PCDHGA3: variants seen among roughly 807,000 people sequenced by gnomAD.
The protein encoded by PCDHGA3 is protocadherin gamma-A3.
PCDHGA3 carries 40 observed loss-of-function variants against 58.5 expected under a neutral mutation model. The observed-to-expected ratio is 0.68, with a 90% CI of 0.53 to 0.89. The LOEUF is 0.89. PCDHGA3 is among the 40% of genes least tolerant of loss of function. The pLI, the probability that PCDHGA3 is intolerant of heterozygous loss-of-function variation, is 0.00. For synonymous variants in PCDHGA3, 530 were observed against 525.7 expected (o/e 1.01, Z -0.11); for missense variants, 1,223 against 1,195.9 (o/e 1.02, Z -0.33).
chr5:141,370,999 G>T, intron 1 of PCDHGA3: 3 of 1,614,020 alleles, frequency 1.9e-6, no homozygotes, highest in Non-Finnish European at 2.5e-6. Flanking sequence ...CCCCTGGACA[G>T]GGAAGAGCAG....
chr5:141,492,948 CA>C (rs2099745260), intron 1 of PCDHGA3, among the ~76,000 whole-genome samples: 1 of 152,188 alleles, frequency 6.6e-6, no homozygotes, highest in Non-Finnish European at 1.5e-5. Flanking sequence ...TGGAGGTGAC[CA>C]AACTATCTGA....
At chr5:141,394,861 A>G in intron 1 of PCDHGA3, 1 of 1,613,390 alleles carries the variant, frequency 6.2e-7, no homozygotes. Flanking sequence ...CCTTCGGTCG[A>G]CCCGAACGAT....
In PCDHGA3 at chr5:141,375,718, C is replaced by A. The variant is rs888006407; in HGVS notation, c.2424+29261C>A. 9 of 1,614,152 alleles carry A rather than the reference C, an allele frequency of 5.6e-6. No homozygotes were observed. Among genetic ancestry groups the A allele is most frequent in the African/African-American group, 1.3e-5 (1 of 74,952 alleles). ...GCGGGGACCCGCCTCTTAGCAGCAA[C>A]GTGTCACTGAGCCTGTTTGTGCTGG... On this transcript the variant is annotated intron_variant, in intron 1 of 3. Transcript: ENST00000253812.
intron 1 of PCDHGA3, among the ~76,000 whole-genome samples, chr5:141,452,868 C>T (rs1339532803): frequency 6.6e-6 from 1 of 152,170 alleles, no homozygotes; most frequent in Non-Finnish European, 1.5e-5. Flanking sequence ...TTTTCTAACT[C>T]CATTTGTAAT....
intron 1 of PCDHGA3, chr5:141,430,691 G>C (rs1479214920): frequency 1.4e-6 from 2 of 1,416,472 alleles, no homozygotes; most frequent in Non-Finnish European, 1.9e-6. Flanking sequence ...CCATTCTATG[G>C]GCGAAGGAAC....
chr5:141,494,923 G>A lies in PCDHGA3; in HGVS notation c.2483+58G>A, dbSNP rs572227346. Reference sequence around the variant, plus strand: ...TCTGCGGCATTTTCTCAGGGATGACGTGGGAGGAGATGGGGGAGGGCCCAG... The same window carrying A: ...TCTGCGGCATTTTCTCAGGGATGACATGGGAGGAGATGGGGGAGGGCCCAG... On this transcript the variant is annotated intron_variant, in intron 2 of 3. Coordinates refer to ENST00000253812, the MANE Select transcript of PCDHGA3 (RefSeq NM_018916.4). The A allele has an allele frequency of 8.9e-5, 143 of 1,613,698 alleles. 1 individual carries two copies. In the Middle Eastern group the frequency reaches 1.8e-3, roughly 20 times the overall value.
rs1330784633 is a variant in PCDHGA3 at position 141,476,330 on chromosome 5, G to A, written c.2425-18477G>A. On this transcript the variant is annotated intron_variant, in intron 1 of 3. Transcript: ENST00000253812. This position sits in a 1 kb window ranked among gnomAD's most constrained non-coding sequence, Gnocchi z 7.6. ...CCGCAGGTTCCGGGTGGTGTCTGGA[G>A]CTAGCCGAAGATTCTTTGAGGTGAA... The A allele has an allele frequency of 1.2e-6, 2 of 1,614,092 alleles. No homozygotes were observed. The highest frequency in any genetic ancestry group is 1.6e-4 in the Middle Eastern group (1 of 6,084).
chr5:141,446,458 G>A (rs2098502933), intron 1 of PCDHGA3, among the ~76,000 whole-genome samples: 1 of 151,662 alleles, frequency 6.6e-6, no homozygotes, highest in African/African-American at 2.4e-5. Flanking sequence ...TATTCAGTGT[G>A]TGATTAGACA....
In PCDHGA3 at chr5:141,432,612, C is replaced by T. The variant is rs752901891; in HGVS notation, c.2425-62195C>T. 1.9e-6 allele frequency: 3 copies of T among 1,613,912 alleles called. No individual in the cohort carries two copies. The highest frequency in any genetic ancestry group is 2.5e-6 in the Non-Finnish European group (3 of 1,179,970). On this transcript the variant is annotated intron_variant, in intron 1 of 3. Transcript: ENST00000253812. The surrounding 1 kb of genome is among the most constrained non-coding windows in gnomAD (Gnocchi z 6.0). ...AAGGCCAGCGAGCCGGGACTCTTCT[C>T]GGTGGGTCTGCACACGGGCGAGGTG...
intron 1 of PCDHGA3, among the ~76,000 whole-genome samples, chr5:141,380,425 G>A (rs1383419124): frequency 1.3e-5 from 2 of 152,192 alleles, no homozygotes; most frequent in Non-Finnish European, 1.5e-5. Context: ...AAGCCAAATA[G>A]ACTTTACATA....
chr5:141,409,735 C>G lies in PCDHGA3; in HGVS notation c.2424+63278C>G, dbSNP rs763035733. Reference sequence around the variant, plus strand: ...CATACGTGTCAGTGAGCGCGCAGAGCGGGGTGGTGTTCGCGCAGCGCGCCT... The same window carrying G: ...CATACGTGTCAGTGAGCGCGCAGAGGGGGGTGGTGTTCGCGCAGCGCGCCT... On this transcript the variant is annotated intron_variant, in intron 1 of 3. Transcript: ENST00000253812. The G allele has an allele frequency of 3.7e-6, 6 of 1,613,006 alleles. No homozygotes were observed. The African/African-American group carries it at 8.0e-5, about 22-fold the overall frequency.
chr5:141,355,866 C>T (rs770899476), intron 1 of PCDHGA3: 1 of 1,612,878 alleles, frequency 6.2e-7, no homozygotes, highest in Admixed American at 1.7e-5. Context: ...ACCCGGTTCG[C>T]TCTGGCACTG....
chr5:141,348,422 C>A (rs1294192949), intron 1 of PCDHGA3, among the ~76,000 whole-genome samples: 1 of 151,974 alleles, frequency 6.6e-6, no homozygotes, highest in African/African-American at 2.4e-5. Context: ...AGGCACGTAA[C>A]TTTTAACATA....
chr5:141,346,056 C>G lies in PCDHGA3; in HGVS notation c.2023C>G (p.Leu675Val), dbSNP rs1216486405. The G allele has an allele frequency of 6.2e-7, 1 of 1,613,492 alleles. No individual in the cohort carries two copies. The highest frequency in any genetic ancestry group is 8.5e-7 in the Non-Finnish European group (1 of 1,179,852). ...ADRIPDILAD[L>V]GSLEPSAKPN... ...CAGGATCCCCGACATCCTGGCCGAC[C>G]TGGGCAGCCTCGAGCCCTCCGCCAA... Residue 675 changes from leucine (L) to valine (V), a missense_variant, in exon 1 of 4, where the codon CTG becomes GTG. This residue lies in a region of PCDHGA3 where 107 missense variants were observed against 159.8 expected (regional missense o/e 0.67). Coordinates refer to ENST00000253812, the MANE Select transcript of PCDHGA3 (RefSeq NM_018916.4).
chr5:141,478,127 C>T (rs1323163663), intron 1 of PCDHGA3: 1 of 1,613,988 alleles, frequency 6.2e-7, no homozygotes, highest in Admixed American at 1.7e-5. Flanking sequence ...CGAGGACTCT[C>T]CTGAAGCCCG....
In PCDHGA3 at chr5:141,366,063, C is replaced by A. The variant is rs775871309; in HGVS notation, c.2424+19606C>A. ...GACGGTTCCACGGGCGTGGAGCTGG[C>A]GCCTCGCTCCGCAGAACCTGGCTAC... is the stretch of plus-strand genomic sequence containing the variant. On this transcript the variant is annotated intron_variant, in intron 1 of 3. Coordinates refer to ENST00000253812, the MANE Select transcript of PCDHGA3 (RefSeq NM_018916.4). 90 of 1,614,128 alleles carry A rather than the reference C, an allele frequency of 5.6e-5. No homozygotes were observed. The highest frequency in any genetic ancestry group is 7.3e-5 in the Non-Finnish European group (86 of 1,180,056).
chr5:141,474,557 G>A (rs1261720500), intron 1 of PCDHGA3, among the ~76,000 whole-genome samples: 1 of 152,184 alleles, frequency 6.6e-6, no homozygotes, highest in African/African-American at 2.4e-5. Context: ...AAAACTGGGG[G>A]TTTTCAGAGA....
Position 141,487,373 on chromosome 5 carries a change from C to T in PCDHGA3, c.2425-7434C>T. 2 of 1,614,224 alleles carry T rather than the reference C, an allele frequency of 1.2e-6. No homozygotes were observed. Among genetic ancestry groups the T allele is most frequent in the Non-Finnish European group, 1.7e-6 (2 of 1,180,042 alleles). On this transcript the variant is annotated intron_variant, in intron 1 of 3. Transcript: ENST00000253812. This position sits in a 1 kb window ranked among gnomAD's most constrained non-coding sequence, Gnocchi z 5.0. ...CTTTCCTGCTGGCACCTGTGCCTGTCTCACCAGATCTCGAAGGAGGGAGGG... is the reference window on the plus strand; with the variant it reads ...CTTTCCTGCTGGCACCTGTGCCTGTTTCACCAGATCTCGAAGGAGGGAGGG...
rs777710801 is a variant in PCDHGA3, at chr5:141,400,340, A to G, written c.2424+53883A>G. On this transcript the variant is annotated intron_variant, in intron 1 of 3. Transcript: ENST00000253812. ...AAGTCTGGACCTGTGGTTCCCCCCA[A>G]CTACAGTCAGGGGACTTTGCCTTAT... The G allele has an allele frequency of 5.0e-6, 8 of 1,613,856 alleles. No homozygotes were observed. The highest frequency in any genetic ancestry group is 1.3e-5 in the African/African-American group (1 of 74,922).
Sources: allele counts gnomAD v4.1 joint callset (sites outside exome capture counted in the v4.1 genomes callset), GRCh38; gene constraint gnomAD v4.1.1; regional missense constraint gnomAD v4.1.1; non-coding constraint Gnocchi (gnomAD v3.1); transcripts MANE v1.5; gene names NCBI Gene and HGNC (gene_info 2026-07-23, HGNC 2026-07-21).